The following GNAQ variants were observed in gnomAD, a reference collection of about 807,000 sequenced individuals.
The protein encoded by GNAQ is G protein subunit alpha q.
In GNAQ, 8 loss-of-function variants were observed where a neutral mutation model predicts 43.9. The ratio of observed to expected loss-of-function variants is 0.18; its 90% confidence interval spans 0.11 to 0.33. GNAQ has a LOEUF of 0.33. Ranked by LOEUF, GNAQ falls within the 10% of genes least tolerant of loss-of-function variation. GNAQ has a pLI of 1.00. For missense variants in GNAQ, 158 were observed against 450.8 expected (o/e 0.35, Z 5.88); for synonymous variants, 155 against 170.7 (o/e 0.91, Z 0.71).
At chr9:77,832,528 T>C (rs1025324079) in intron 2 of GNAQ, among the ~76,000 whole-genome samples, 5 of 152,118 alleles carry the variant, frequency 3.3e-5, no homozygotes, top group Non-Finnish European at 7.4e-5. Context: ...ATCCATAAAG[T>C]TAACATTAAA....
chr9:77,761,273 TG>T (rs1326107902), intron 5 of GNAQ, among the ~76,000 whole-genome samples: 15 of 86,860 alleles, frequency 1.7e-4, no homozygotes, highest in African/African-American at 2.8e-4. Context: ...GGGAGGGAGG[TG>T]GGGGGGTCAG....
At chr9:77,845,252 T>C (rs1827565256) in intron 2 of GNAQ, among the ~76,000 whole-genome samples, 1 of 152,198 alleles carries the variant, frequency 6.6e-6, no homozygotes, top group Non-Finnish European at 1.5e-5. Flanking sequence ...TTATTGTTTG[T>C]TTCTTACAAT....
At chr9:77,827,826 T>A (rs1332473010) in intron 2 of GNAQ, among the ~76,000 whole-genome samples, 1 of 151,764 alleles carries the variant, frequency 6.6e-6, no homozygotes, top group Non-Finnish European at 1.5e-5. Context: ...TTAAAAAATA[T>A]ATGAGTTAGA....
At chr9:77,751,485 T>C (rs922126668) in intron 5 of GNAQ, among the ~76,000 whole-genome samples, 4 of 152,146 alleles carry the variant, frequency 2.6e-5, no homozygotes, top group Non-Finnish European at 4.4e-5. Flanking sequence ...TCTCTTAAGA[T>C]AGTTGAGTGT....
chr9:77,730,454 G>GTAA (rs1825470347), intron 5 of GNAQ, among the ~76,000 whole-genome samples: 21 of 152,218 alleles, frequency 1.4e-4, no homozygotes, highest in Admixed American at 1.2e-3. Context: ...CAATAATCTG[G>GTAA]ATCCTGAATA....
intron 2 of GNAQ, among the ~76,000 whole-genome samples, chr9:77,882,398 C>T (rs1318090469): frequency 6.6e-6 from 1 of 152,116 alleles, no homozygotes; most frequent in Admixed American, 6.5e-5. Flanking sequence ...TTTGGCAAAA[C>T]CTTTGACCCA....
intron 6 of GNAQ, among the ~76,000 whole-genome samples, chr9:77,724,362 T>C (rs1587883811): frequency 6.6e-6 from 1 of 152,108 alleles, no homozygotes; most frequent in Admixed American, 6.5e-5. Context: ...CAGCTAATTT[T>C]TGTATTTTTA....
intron 2 of GNAQ, among the ~76,000 whole-genome samples, chr9:77,821,727 GTGT>G (rs1564120921): frequency 4.6e-4 from 69 of 149,136 alleles, no homozygotes; most frequent in African/African-American, 1.3e-3. Context: ...TAGTATGGGT[GTGT>G]GTGTGTGTGT....
intron 2 of GNAQ, among the ~76,000 whole-genome samples, chr9:77,887,532 A>G (rs905640314): frequency 6.6e-6 from 1 of 152,174 alleles, no homozygotes. Flanking sequence ...CTGCAGTTCT[A>G]TATGTAGTTT....
chr9:77,921,273 T>G (rs1828992558), intron 2 of GNAQ, among the ~76,000 whole-genome samples: 1 of 152,178 alleles, frequency 6.6e-6, no homozygotes, highest in Non-Finnish European at 1.5e-5. Context: ...CAAATAGATA[T>G]CCCTTCCCTT....
intron 1 of GNAQ, among the ~76,000 whole-genome samples, chr9:77,964,296 G>A (rs1475169700): frequency 1.3e-5 from 2 of 152,128 alleles, no homozygotes; most frequent in African/African-American, 4.8e-5. Flanking sequence ...GAACTGCAGA[G>A]AGAAACGGAC....
intron 6 of GNAQ, among the ~76,000 whole-genome samples, chr9:77,727,603 C>G (rs929012651): frequency 5.9e-5 from 9 of 152,176 alleles, no homozygotes; most frequent in Admixed American, 2.6e-4. Flanking sequence ...GGTGGGACTT[C>G]ATTGGGCTAT....
intron 2 of GNAQ, among the ~76,000 whole-genome samples, chr9:77,902,555 A>G (rs1828631623): frequency 6.6e-6 from 1 of 152,232 alleles, no homozygotes; most frequent in African/African-American, 2.4e-5. Flanking sequence ...TTAAAATACT[A>G]AAAAGGAAAA....
chr9:77,796,027 G>A (rs189766357), intron 4 of GNAQ, among the ~76,000 whole-genome samples: 2 of 152,302 alleles, frequency 1.3e-5, no homozygotes, highest in Admixed American at 1.3e-4. Context: ...CATGGAGGAA[G>A]GAAATCTGGG....
At chr9:77,880,556 T>C (rs1464129427) in intron 2 of GNAQ, among the ~76,000 whole-genome samples, 1 of 21,060 alleles carries the variant, frequency 4.7e-5, no homozygotes, top group Non-Finnish European at 1.2e-4. Flanking sequence ...ATTTTTTCTG[T>C]TTTTTTTTTT....
intron 3 of GNAQ, among the ~76,000 whole-genome samples, chr9:77,813,575 T>C (rs1259538800): frequency 6.6e-6 from 1 of 152,196 alleles, no homozygotes; most frequent in Non-Finnish European, 1.5e-5. Context: ...ATCAGAGATA[T>C]GATGAAGTCT....
intron 6 of GNAQ, among the ~76,000 whole-genome samples, chr9:77,725,877 C>G (rs17786561): frequency 6.6e-6 from 1 of 152,196 alleles, no homozygotes; most frequent in African/African-American, 2.4e-5. Flanking sequence ...GCACCATGCT[C>G]TATCTGTTCT....
intron 2 of GNAQ, among the ~76,000 whole-genome samples, chr9:77,859,224 G>GT (rs1400387441): frequency 6.6e-6 from 1 of 152,102 alleles, no homozygotes; most frequent in Non-Finnish European, 1.5e-5. Context: ...TAACGTAATT[G>GT]TAACACCTCA....
At chr9:77,777,155 G>A (rs2118390573) in intron 5 of GNAQ, among the ~76,000 whole-genome samples, 1 of 152,190 alleles carries the variant, frequency 6.6e-6, no homozygotes, top group East Asian at 1.9e-4. Flanking sequence ...ATAGTAAATG[G>A]TTCTGGGACA....
Sources: gnomAD v4.1 joint callset for allele counts (sites outside exome capture counted in the v4.1 genomes callset) on GRCh38, gnomAD v4.1.1 for gene constraint, MANE v1.5 for transcripts, NCBI Gene and HGNC (gene_info 2026-07-23, HGNC 2026-07-21) for gene names.